Variants in DGAT2 observed in about 807,000 individuals in gnomAD.
The protein encoded by DGAT2 is diacylglycerol O-acyltransferase 2, also known as acyl-CoA retinol O-fatty-acyltransferase.
A neutral mutation model predicts 48.4 loss-of-function variants in DGAT2; 33 were observed. The ratio of observed to expected loss-of-function variants is 0.68; its 90% CI spans 0.52 to 0.91. DGAT2 has a LOEUF of 0.91. DGAT2 is among the 40% of genes least tolerant of loss of function. The pLI, the probability that DGAT2 is intolerant of heterozygous loss-of-function variation, is 0.00. For missense variants in DGAT2, 446 were observed against 493.7 expected (o/e 0.90, Z 0.92); for synonymous variants, 191 against 194.1 (o/e 0.98, Z 0.13).
chr11:75,799,686 T>C (rs1945091873), intron 7 of DGAT2, among the ~76,000 whole-genome samples: 1 of 151,982 alleles, frequency 6.6e-6, no homozygotes, highest in African/African-American at 2.4e-5. Flanking sequence ...CAATCTCGGC[T>C]CACTGTAACC....
intron 1 of DGAT2, among the ~76,000 whole-genome samples, chr11:75,778,703 G>A (rs989974730): frequency 6.6e-6 from 1 of 151,544 alleles, no homozygotes; most frequent in Non-Finnish European, 1.5e-5. Context: ...GCGTTGTGGC[G>A]GGTGCCTGTA....
intron 1 of DGAT2, among the ~76,000 whole-genome samples, chr11:75,777,552 G>A (rs1944814412): frequency 1.3e-5 from 2 of 152,162 alleles, no homozygotes; most frequent in Admixed American, 1.3e-4. Flanking sequence ...TGGTGAGGTA[G>A]GTATTAGCCC....
At chr11:75,770,497 T>G (rs1228991987) in intron 1 of DGAT2, among the ~76,000 whole-genome samples, 1 of 152,212 alleles carries the variant, frequency 6.6e-6, no homozygotes, top group African/African-American at 2.4e-5. Flanking sequence ...TGTCCTTTGA[T>G]GTCCTTAGGG....
Position 75,790,186 on chromosome 11 carries a change from A to G in DGAT2, c.251-2A>G, listed in dbSNP as rs112931759. ...CCTGACCTGTGGCCATCTGCCCCCC[A>G]GGAGTGGCCTGCAGTGCCATCCTCA... On this transcript the variant is annotated splice_acceptor_variant, in intron 2 of 7. Coordinates refer to ENST00000228027, the MANE Select transcript of DGAT2 (RefSeq NM_032564.5). LOFTEE classifies it high-confidence loss of function. The G allele has an allele frequency of 1.2e-6, 2 of 1,612,186 alleles. No individual in the cohort carries two copies. Among genetic ancestry groups the G allele is most frequent in the East Asian group, 4.5e-5 (2 of 44,870 alleles).
In DGAT2 at chr11:75,769,229, A is replaced by G. The variant is rs941805194; in HGVS notation, c.121+117A>G. ...TCATTCTCCACTGTGGCACTCATCAATTTTTACGACCTCTGTTACATCGCT... is the reference window on the plus strand; with the variant it reads ...TCATTCTCCACTGTGGCACTCATCAGTTTTTACGACCTCTGTTACATCGCT... On this transcript the variant is annotated intron_variant, in intron 1 of 7. Coordinates refer to ENST00000228027, the MANE Select transcript of DGAT2 (RefSeq NM_032564.5). The G allele has an allele frequency of 4.4e-5, 56 of 1,273,250 alleles. No individual in the cohort carries two copies. The Admixed American group carries it at 1.1e-3, about 25-fold the overall frequency. 78.9% of individuals were successfully genotyped at this position (1,273,250 alleles called of 1,614,324 possible).
chr11:75,793,152 G>GA (rs1945009944), intron 4 of DGAT2: 1 of 152,296 alleles, frequency 6.6e-6, no homozygotes, highest in Non-Finnish European at 1.5e-5. Context: ...GTTGGGCTGG[G>GA]ACTTTGCCAC....
intron 1 of DGAT2, among the ~76,000 whole-genome samples, chr11:75,778,353 A>C (rs919825437): frequency 2.0e-5 from 3 of 152,006 alleles, no homozygotes; most frequent in African/African-American, 4.8e-5. Flanking sequence ...GCCTCCTTGG[A>C]GCCTCCTCTG....
At chr11:75,781,544 C>T (rs1944863769) in intron 1 of DGAT2, among the ~76,000 whole-genome samples, 7 of 152,262 alleles carry the variant, frequency 4.6e-5, no homozygotes, top group Admixed American at 4.6e-4. Context: ...CCTCCCAACT[C>T]TAACGCCCAC....
At chr11:75,783,466 G>A (rs181757773) in intron 1 of DGAT2, among the ~76,000 whole-genome samples, 134 of 152,226 alleles carry the variant, frequency 8.8e-4, no homozygotes, top group Middle Eastern at 3.4e-3. Flanking sequence ...CCCTAAATCC[G>A]TCTTTCTCCC....
chr11:75,798,118 C>T (rs909260493), intron 6 of DGAT2, 109 bp from the exon 7 acceptor site: 1 of 1,148,548 alleles, frequency 8.7e-7, no homozygotes, highest in Non-Finnish European at 1.3e-6. Context: ...AATTCTGGTA[C>T]ACCCAGCTGG....
chr11:75,782,337 C>T (rs527696886), intron 1 of DGAT2, among the ~76,000 whole-genome samples: 10 of 152,102 alleles, frequency 6.6e-5, no homozygotes, highest in Non-Finnish European at 1.2e-4. Context: ...ATTTCTAACC[C>T]GCTCCCAGGT....
At chr11:75,794,126 T>G (rs567227981) in intron 4 of DGAT2, 1 of 152,366 alleles carries the variant, frequency 6.6e-6, no homozygotes, top group South Asian at 2.1e-4. Flanking sequence ...TGAGGGAGTC[T>G]TGCTCACATT....
chr11:75,771,616 C>G (rs964616463), intron 1 of DGAT2, among the ~76,000 whole-genome samples: 2 of 152,058 alleles, frequency 1.3e-5, no homozygotes, highest in Non-Finnish European at 2.9e-5. Context: ...AACTAAGTGG[C>G]TAGATTGTTG....
chr11:75,779,101 T>C (rs1300946553), intron 1 of DGAT2, among the ~76,000 whole-genome samples: 1 of 152,246 alleles, frequency 6.6e-6, no homozygotes, highest in East Asian at 1.9e-4. Context: ...CTGGTCACTT[T>C]GATATCAGAT....
intron 7 of DGAT2, among the ~76,000 whole-genome samples, chr11:75,800,086 C>G (rs1175674660): frequency 1.3e-5 from 2 of 152,144 alleles, no homozygotes; most frequent in African/African-American, 4.8e-5. Context: ...TCTCATAGAC[C>G]CTCCTAGCAG....
chr11:75,777,956 C>T (rs915645911), intron 1 of DGAT2, among the ~76,000 whole-genome samples: 1 of 152,140 alleles, frequency 6.6e-6, no homozygotes, highest in African/African-American at 2.4e-5. Context: ...AGTTAAGCAT[C>T]CTAACTTAAC....
chr11:75,790,235 T>G lies in DGAT2; in HGVS notation c.298T>G (p.Trp100Gly), dbSNP rs1424432858. 7.4e-6 allele frequency: 12 copies of G among 1,614,212 alleles called. No individual in the cohort carries two copies. Among genetic ancestry groups the G allele is most frequent in the Non-Finnish European group, 1.0e-5 (12 of 1,180,028 alleles). The change falls in exon 3 of 8, where the codon TGG (tryptophan) becomes GGG (glycine). Residue 100 changes from tryptophan (W) to glycine (G), a missense_variant. Coordinates refer to ENST00000228027, the MANE Select transcript of DGAT2 (RefSeq NM_032564.5). ...ILMYIFCTDC[W>G]LIAVLYFTWL... ...CATGTACATATTCTGCACTGATTGCTGGCTCATCGCTGTGCTCTACTTCAC... is the reference window on the plus strand; with the variant it reads ...CATGTACATATTCTGCACTGATTGCGGGCTCATCGCTGTGCTCTACTTCAC...
intron 2 of DGAT2, among the ~76,000 whole-genome samples, chr11:75,789,617 C>T (rs1440249200): frequency 6.6e-6 from 1 of 152,212 alleles, no homozygotes; most frequent in Non-Finnish European, 1.5e-5. Flanking sequence ...AAGCCTAATA[C>T]AGAGAACGGA....
At chr11:75,798,086 T>C in intron 6 of DGAT2, 141 bp from the exon 7 acceptor site, 2 of 810,676 alleles carry the variant, frequency 2.5e-6, no homozygotes, top group Non-Finnish European at 4.1e-6. Flanking sequence ...AGAGGGATCA[T>C]GTGAACTTGG....
Sources: gnomAD v4.1 joint callset for allele counts (sites outside exome capture counted in the v4.1 genomes callset) on GRCh38, gnomAD v4.1.1 for gene constraint, MANE v1.5 for transcripts, NCBI Gene and HGNC (gene_info 2026-07-23, HGNC 2026-07-21) for gene names.